The following CNTNAP2 variants were observed in gnomAD, a reference collection of about 807,000 sequenced individuals.
CNTNAP2 encodes the protein contactin-associated protein-like 2.
CNTNAP2 carries 98 observed loss-of-function variants against 155.2 expected under a neutral mutation model. That is an observed-to-expected ratio of 0.63 (90% CI 0.54 to 0.75). The LOEUF is 0.75. Among genes scored for constraint, CNTNAP2 ranks in the 30% least tolerant of loss-of-function variants. The pLI, the probability that CNTNAP2 is intolerant of heterozygous loss-of-function variation, is 0.00. For synonymous variants in CNTNAP2, 651 were observed against 631.2 expected, an observed-to-expected ratio of 1.03 and a Z score of -0.47; for missense variants, 1,727 against 1,688.1, an observed-to-expected ratio of 1.02 and a Z score of -0.40.
intron 3 of CNTNAP2, among the ~76,000 whole-genome samples, chr7:146,858,594 T>C (rs1795037739): frequency 6.6e-6 from 1 of 152,076 alleles, no homozygotes. Flanking sequence ...CTCATGAGGC[T>C]GAGATGGGAG....
intron 3 of CNTNAP2, among the ~76,000 whole-genome samples, chr7:146,942,885 A>G (rs575090313): frequency 7.2e-5 from 11 of 152,308 alleles, no homozygotes; most frequent in African/African-American, 2.4e-4. Flanking sequence ...TCCACCTTTT[A>G]TTATAAATGA....
At chr7:148,361,253 T>TTCAG (rs551066519) in intron 21 of CNTNAP2, among the ~76,000 whole-genome samples, 35 of 152,314 alleles carry the variant, frequency 2.3e-4, no homozygotes, top group Non-Finnish European at 4.4e-4. Flanking sequence ...TTTAGGTGAA[T>TTCAG]TCAGTCTCTC....
At chr7:146,926,745 A>G (rs889856303) in intron 3 of CNTNAP2, among the ~76,000 whole-genome samples, 4 of 152,166 alleles carry the variant, frequency 2.6e-5, no homozygotes, top group African/African-American at 9.6e-5. Context: ...AAATATAAAT[A>G]TTACAAAGTT....
chr7:148,237,354 T>C (rs1298378199), intron 20 of CNTNAP2, among the ~76,000 whole-genome samples: 1 of 152,176 alleles, frequency 6.6e-6, no homozygotes, highest in Non-Finnish European at 1.5e-5. Flanking sequence ...TAAAAGACAT[T>C]GTGGTTCTAT....
intron 1 of CNTNAP2, among the ~76,000 whole-genome samples, chr7:146,271,691 G>C (rs1215401288): frequency 6.6e-6 from 1 of 151,482 alleles, no homozygotes; most frequent in African/African-American, 2.4e-5. Context: ...TTATAATTTT[G>C]AAAAATTTTC....
intron 8 of CNTNAP2, among the ~76,000 whole-genome samples, chr7:147,267,795 T>G (rs991513820): frequency 6.6e-6 from 1 of 152,226 alleles, no homozygotes; most frequent in Non-Finnish European, 1.5e-5. Context: ...TTTTCGATTA[T>G]AAAAATCTTG....
rs1433942240 is a variant in CNTNAP2 at position 146,936,577 on chromosome 7, A to G, written c.402+96673A>G. On this transcript the variant is annotated intron_variant, in intron 3 of 23. Coordinates refer to ENST00000361727, the MANE Select transcript of CNTNAP2 (RefSeq NM_014141.6). ...AAAGCAAACTAACTGTGGCCTAAGA[A>G]GGACTCCTTACTTTTATATCTGAGT... Among the ~76,000 whole-genome samples, 3 of 152,356 alleles carry G rather than the reference A, an allele frequency of 2.0e-5. No homozygotes were observed. The East Asian group carries it at 5.8e-4, about 29-fold the overall frequency.
intron 11 of CNTNAP2, among the ~76,000 whole-genome samples, chr7:147,501,554 C>T (rs937152448): frequency 1.3e-5 from 2 of 152,124 alleles, no homozygotes; most frequent in African/African-American, 4.8e-5. Context: ...ATTTGGTGTA[C>T]TTCAAATTTT....
intron 4 of CNTNAP2, among the ~76,000 whole-genome samples, chr7:147,080,485 A>T (rs1240121308): frequency 6.6e-6 from 1 of 151,852 alleles, no homozygotes; most frequent in Non-Finnish European, 1.5e-5. Flanking sequence ...AAAGAATTTT[A>T]AAAATTCACT....
intron 11 of CNTNAP2, among the ~76,000 whole-genome samples, chr7:147,535,257 T>A (rs1799518628): frequency 6.6e-6 from 1 of 152,108 alleles, no homozygotes; most frequent in Admixed American, 6.5e-5. Context: ...CTGGGCCTGA[T>A]GGCGGGCCCC....
At chr7:147,145,632 C>G (rs1167805036) in intron 8 of CNTNAP2, among the ~76,000 whole-genome samples, 1 of 152,184 alleles carries the variant, frequency 6.6e-6, no homozygotes, top group Non-Finnish European at 1.5e-5. Context: ...TTTAGACAAG[C>G]TGATTCCTGT....
At chr7:146,572,992 TGGA>T (rs1378732725) in intron 1 of CNTNAP2, among the ~76,000 whole-genome samples, 3 of 151,708 alleles carry the variant, frequency 2.0e-5, no homozygotes, top group Non-Finnish European at 4.4e-5. Context: ...AGATGAATGA[TGGA>T]GGAGCACCCA....
At chr7:147,324,923 C>A (rs1193829463) in intron 9 of CNTNAP2, among the ~76,000 whole-genome samples, 1 of 152,126 alleles carries the variant, frequency 6.6e-6, no homozygotes, top group Non-Finnish European at 1.5e-5. Context: ...TGTTAAAATT[C>A]ACTGCATGCC....
At position 148,388,391 on chromosome 7, in the gene CNTNAP2, G is replaced by A. The variant is rs563491366; in HGVS notation, c.3715+4503G>A. On this transcript the variant is annotated intron_variant, in intron 22 of 23. Transcript: ENST00000361727. ...TTCCCACCTATGAGTGAGAACATGC[G>A]GTGTTTGGTTTTTTGTCCTTGCGAT... 1.7e-3 allele frequency among the ~76,000 whole-genome samples: 248 copies of A among 149,032 alleles called. 1 individual carries two copies. The highest frequency in any genetic ancestry group is 3.7e-3 in the African/African-American group (150 of 40,464).
chr7:146,739,978 C>T, intron 1 of CNTNAP2, among the ~76,000 whole-genome samples: 1 of 152,026 alleles, frequency 6.6e-6, no homozygotes, highest in East Asian at 1.9e-4. Context: ...CTTTTGGTTT[C>T]TACTTGCATG....
At chr7:147,203,412 AG>A (rs1802959385) in intron 8 of CNTNAP2, among the ~76,000 whole-genome samples, 1 of 151,952 alleles carries the variant, frequency 6.6e-6, no homozygotes, top group South Asian at 2.1e-4. Context: ...TCGTATTTTT[AG>A]TAGAGATAGT....
intron 12 of CNTNAP2, among the ~76,000 whole-genome samples, chr7:147,595,701 C>T (rs906257504): frequency 2.0e-5 from 3 of 152,168 alleles, no homozygotes; most frequent in Non-Finnish European, 2.9e-5. Flanking sequence ...AGCACTTTAC[C>T]TGAACGATTG....
At chr7:147,480,197 T>A (rs1009069856) in intron 10 of CNTNAP2, among the ~76,000 whole-genome samples, 1 of 152,206 alleles carries the variant, frequency 6.6e-6, no homozygotes, top group East Asian at 1.9e-4. Context: ...TAAAATTTCA[T>A]GCTGAGATGA....
chr7:147,626,388 G>A (rs1174802191), intron 12 of CNTNAP2, among the ~76,000 whole-genome samples: 2 of 151,540 alleles, frequency 1.3e-5, no homozygotes, highest in Non-Finnish European at 2.9e-5. Context: ...CCACTTCTCT[G>A]GTGAACTATA....
Sources: gnomAD v4.1 joint callset for allele counts (sites outside exome capture counted in the v4.1 genomes callset) on GRCh38, gnomAD v4.1.1 for gene constraint, MANE v1.5 for transcripts, NCBI Gene and HGNC (gene_info 2026-07-23, HGNC 2026-07-21) for gene names.